The following ARHGAP20 variants were observed in gnomAD, a reference collection of about 807,000 sequenced individuals.
ARHGAP20 encodes the protein rho GTPase-activating protein 20.
In ARHGAP20, 34 loss-of-function variants were observed where a neutral mutation model predicts 73.7. The observed-to-expected ratio is 0.46, with a 90% CI of 0.35 to 0.61. The LOEUF (loss-of-function observed/expected upper bound fraction) is 0.61, where lower values mean the gene tolerates loss of function less well. ARHGAP20 is among the 20% of genes least tolerant of loss of function. The pLI is 0.00. For synonymous variants in ARHGAP20, 523 were observed against 518.2 expected, an observed-to-expected ratio of 1.01 and a Z score of -0.13; for missense variants, 1,314 against 1,420.9, an observed-to-expected ratio of 0.92 and a Z score of 1.21.
chr11:110,712,401 C>G lies in ARHGAP20; in HGVS notation c.-170G>C, dbSNP rs1950687691. On this transcript the variant is annotated 5_prime_UTR_variant, in exon 1 of 15. Transcript: ENST00000683387. ...CGCCTCCCGTCGGGGCCATGTACCT[C>G]CGCCTGCGCTCGACACCGCGGGCTG... is the stretch of plus-strand genomic sequence containing the variant. 8.0e-6 allele frequency: 3 copies of G among 374,712 alleles called. No individual in the cohort carries two copies. Among genetic ancestry groups the G allele is most frequent in the Non-Finnish European group, 4.5e-6 (1 of 220,370 alleles). The allele number at this position is 374,712 out of a possible 1,614,324, so 23.2% of individuals were successfully genotyped here.
chr11:110,666,433 G>A (rs1332574696), intron 2 of ARHGAP20, among the ~76,000 whole-genome samples: 1 of 152,114 alleles, frequency 6.6e-6, no homozygotes, highest in Non-Finnish European at 1.5e-5. Context: ...AGGACTTGCA[G>A]AACATGTTTT....
chr11:110,700,754 A>C (rs1950431785), intron 1 of ARHGAP20, among the ~76,000 whole-genome samples: 3 of 96,620 alleles, frequency 3.1e-5, no homozygotes, highest in African/African-American at 4.1e-5. Context: ...CCCACCCCAC[A>C]ACAGTCCCCA....
At chr11:110,623,026 C>A (rs2134929922) in intron 4 of ARHGAP20, among the ~76,000 whole-genome samples, 1 of 151,476 alleles carries the variant, frequency 6.6e-6, no homozygotes, top group African/African-American at 2.4e-5. Flanking sequence ...ACCTGTAACT[C>A]CAAGGAGATA....
At chr11:110,699,833 A>G (rs1591189476) in intron 1 of ARHGAP20, among the ~76,000 whole-genome samples, 1 of 151,968 alleles carries the variant, frequency 6.6e-6, no homozygotes, top group East Asian at 1.9e-4. Context: ...GGGTTTTCAC[A>G]TAGTAAATTC....
At chr11:110,611,247 T>A in intron 7 of ARHGAP20, 62 bp downstream of exon 7, 2 of 1,119,612 alleles carry the variant, frequency 1.8e-6, no homozygotes, top group Non-Finnish European at 2.6e-6. Context: ...AGGAAAATAC[T>A]TACATAAATT....
chr11:110,702,288 A>T (rs922009343), intron 1 of ARHGAP20, among the ~76,000 whole-genome samples: 14 of 152,192 alleles, frequency 9.2e-5, no homozygotes, highest in African/African-American at 3.4e-4. Context: ...CAAAAACCAC[A>T]TGATTATCTC....
At chr11:110,606,526 T>C in intron 9 of ARHGAP20, 35 bp downstream of exon 9, 1 of 1,588,430 alleles carries the variant, frequency 6.3e-7, no homozygotes, top group Non-Finnish European at 8.5e-7. Flanking sequence ...TAAATTTATG[T>C]TCAAGAACGA....
At chr11:110,611,013 C>CA (rs567963818) in intron 7 of ARHGAP20, among the ~76,000 whole-genome samples, 3 of 151,520 alleles carry the variant, frequency 2.0e-5, no homozygotes, top group African/African-American at 7.3e-5. Context: ...AAATTTATAC[C>CA]AAAAAAATTT....
At position 110,579,462 on chromosome 11, in the gene ARHGAP20, T is replaced by G. The variant is rs774685990; in HGVS notation, c.3484A>C (p.Ser1162Arg). The G allele has an allele frequency of 2.5e-6, 4 of 1,614,074 alleles. No homozygotes were observed. The highest frequency in any genetic ancestry group is 3.4e-6 in the Non-Finnish European group (4 of 1,180,042). ...GTCGCATCCTCTAGAGTCCAAGAGC[T>G]GGCTGAGGCTCTTTCCCAAGGCAGA... ...GSLPWERASA[S>R]SWTLEDATSP... Residue 1162 changes from serine to arginine, a missense_variant, in exon 15 of 15, where the codon AGC becomes CGC. By Grantham distance (110) the Ser-to-Arg change is moderately radical (BLOSUM62 -1). Transcript: ENST00000683387.
At chr11:110,595,840 A>G (rs1460876572) in intron 9 of ARHGAP20, among the ~76,000 whole-genome samples, 4 of 152,186 alleles carry the variant, frequency 2.6e-5, no homozygotes, top group Non-Finnish European at 4.4e-5. Context: ...TGCCAAGTCA[A>G]TCCTAAGCCA....
At chr11:110,594,405 G>C (rs1268907678) in intron 9 of ARHGAP20, among the ~76,000 whole-genome samples, 1 of 152,184 alleles carries the variant, frequency 6.6e-6, no homozygotes, top group Non-Finnish European at 1.5e-5. Flanking sequence ...CTTATTGAAA[G>C]GATTGTATAG....
chr11:110,671,136 T>G (rs2135067736), intron 2 of ARHGAP20, among the ~76,000 whole-genome samples: 1 of 152,124 alleles, frequency 6.6e-6, no homozygotes, highest in South Asian at 2.1e-4. Context: ...CTCTGTAATA[T>G]TCTTGCAACT....
intron 2 of ARHGAP20, among the ~76,000 whole-genome samples, chr11:110,668,781 A>C (rs540603277): frequency 6.6e-6 from 1 of 152,234 alleles, no homozygotes; most frequent in Non-Finnish European, 1.5e-5. Context: ...ACTCACTTTA[A>C]TATTTGCCTT....
chr11:110,655,864 A>G (rs1949455330), intron 2 of ARHGAP20, among the ~76,000 whole-genome samples: 2 of 152,178 alleles, frequency 1.3e-5, no homozygotes, highest in South Asian at 4.1e-4. Context: ...TTCTCTGAGT[A>G]TCTTCCATGG....
At chr11:110,664,720 TC>T (rs1411980104) in intron 2 of ARHGAP20, among the ~76,000 whole-genome samples, 1 of 112,402 alleles carries the variant, frequency 8.9e-6, no homozygotes, top group Non-Finnish European at 1.7e-5. Context: ...AGAGTGAGAC[TC>T]CGTCTCAAAA....
Position 110,578,193 on chromosome 11 carries a change from G to A in ARHGAP20, c.*1177C>T, listed in dbSNP as rs979286707. 71 of 985,332 alleles carry A rather than the reference G, an allele frequency of 7.2e-5. No homozygotes were observed. The highest frequency in any genetic ancestry group is 8.2e-5 in the Non-Finnish European group (68 of 829,940). The allele number at this position is 985,332 out of a possible 1,614,324, so 61.0% of individuals were successfully genotyped here. On this transcript the variant is annotated 3_prime_UTR_variant, in exon 15 of 15. Coordinates refer to ENST00000683387, the MANE Select transcript of ARHGAP20 (RefSeq NM_001384657.1). ...TATAAAATAAACCAATGGGGTATAA[G>A]CCATGAAACATTTGGGGCAAAAATA...
chr11:110,639,448 CATTTAAAAATGCAT>C (rs1949036557), intron 2 of ARHGAP20, among the ~76,000 whole-genome samples: 1 of 151,540 alleles, frequency 6.6e-6, no homozygotes, highest in Non-Finnish European at 1.5e-5. Flanking sequence ...CCATTGTTAC[CATTTAAAAATGCAT>C]AATTCAGTGG....
At chr11:110,665,454 G>GACAACAGAAAC (rs1949705090) in intron 2 of ARHGAP20, among the ~76,000 whole-genome samples, 1 of 151,984 alleles carries the variant, frequency 6.6e-6, no homozygotes, top group Non-Finnish European at 1.5e-5. Context: ...TCAGACATTG[G>GACAACAGAAAC]ACAACAGAAA....
At chr11:110,694,858 A>T (rs1461422704) in intron 1 of ARHGAP20, among the ~76,000 whole-genome samples, 2 of 151,618 alleles carry the variant, frequency 1.3e-5, no homozygotes, top group East Asian at 3.9e-4. Context: ...TATGTGAATT[A>T]AAAAACCCAC....
Sources: gnomAD v4.1 joint callset for allele counts (sites outside exome capture counted in the v4.1 genomes callset) on GRCh38, gnomAD v4.1.1 for gene constraint, MANE v1.5 for transcripts, NCBI Gene and HGNC (gene_info 2026-07-23, HGNC 2026-07-21) for gene names.